Variants in L2HGDH observed in about 807,000 individuals in gnomAD.
L2HGDH encodes the protein L-2-hydroxyglutarate dehydrogenase.
Under a neutral mutation model 51.5 loss-of-function variants are expected in L2HGDH, and 34 were observed. The ratio of observed to expected loss-of-function variants is 0.66; its 90% CI spans 0.50 to 0.88. L2HGDH has a LOEUF of 0.88. Ranked by LOEUF, L2HGDH falls within the 40% of genes least tolerant of loss-of-function variation. The pLI, the probability that L2HGDH is intolerant of heterozygous loss-of-function variation, is 0.00. For synonymous variants in L2HGDH, 198 were observed against 197.9 expected (o/e 1.00, Z -0.01); for missense variants, 558 against 571.9 (o/e 0.98, Z 0.25).
intron 9 of L2HGDH, among the ~76,000 whole-genome samples, chr14:50,258,418 T>G (rs924517434): frequency 3.3e-5 from 5 of 152,094 alleles, no homozygotes; most frequent in African/African-American, 9.7e-5. Context: ...AGACAAGGTC[T>G]CACTATATTG....
Position 50,246,884 on chromosome 14 carries a change from G to T in L2HGDH, c.*174C>A. The T allele has an allele frequency of 2.5e-6, 3 of 1,195,388 alleles. No individual in the cohort carries two copies. Among genetic ancestry groups the T allele is most frequent in the South Asian group, 3.4e-5 (2 of 59,612 alleles). The allele number at this position is 1,195,388 out of a possible 1,614,324, so 74.0% of individuals were successfully genotyped here. A position where few individuals can be genotyped will look rare whatever the true frequency, so the allele number is the denominator to read the frequency against. On this transcript the variant is annotated 3_prime_UTR_variant, in exon 10 of 10. Transcript: ENST00000267436. ...ATTACAGGCATGCGCCACCATGCCT[G>T]GCTAATTTTTGTAGAAAATTATTAT...
intron 1 of L2HGDH, among the ~76,000 whole-genome samples, chr14:50,307,270 A>G (rs2030787527): frequency 6.6e-6 from 1 of 152,180 alleles, no homozygotes; most frequent in Non-Finnish European, 1.5e-5. Context: ...CAAACATAAA[A>G]CTATCATACT....
chr14:50,275,102 G>T (rs968922013), intron 6 of L2HGDH, among the ~76,000 whole-genome samples: 3 of 152,144 alleles, frequency 2.0e-5, no homozygotes, highest in Non-Finnish European at 4.4e-5. Flanking sequence ...CTTGAAATTT[G>T]CTAAGATAAC....
At position 50,278,256 on chromosome 14, in the gene L2HGDH, T is replaced by C. The variant is rs138363546; in HGVS notation, c.738+264A>G. ...TAGTGGAGATCAGTAGATAGAGTGATAAAATATTAGTTTTGCCTTAAAATT... is the reference window on the plus strand; with the variant it reads ...TAGTGGAGATCAGTAGATAGAGTGACAAAATATTAGTTTTGCCTTAAAATT... On this transcript the variant is annotated intron_variant, in intron 6 of 9. Transcript: ENST00000267436. 2.6e-3 allele frequency among the ~76,000 whole-genome samples: 396 copies of C among 152,352 alleles called. 5 individuals carry two copies. Among genetic ancestry groups the C allele is most frequent in the African/African-American group, 8.1e-3 (338 of 41,594 alleles).
chr14:50,243,468 C>G lies in L2HGDH; in HGVS notation c.*3590G>C, dbSNP rs1234340949. The G allele has an allele frequency of 1.2e-6, 1 of 801,728 alleles. No individual in the cohort carries two copies. The highest frequency in any genetic ancestry group is 1.5e-6 in the Non-Finnish European group (1 of 663,124). 49.7% of individuals were successfully genotyped at this position (801,728 alleles called of 1,614,324 possible). On this transcript the variant is annotated 3_prime_UTR_variant, in exon 10 of 10. Coordinates refer to ENST00000267436, the MANE Select transcript of L2HGDH (RefSeq NM_024884.3). ...TTTATGGAACTAAAAAATATGTTCT[C>G]TACAACACCAAGGCTCATTAAAATA...
At chr14:50,255,549 A>AG (rs1555327485) in intron 9 of L2HGDH, among the ~76,000 whole-genome samples, 29 of 151,024 alleles carry the variant, frequency 1.9e-4, no homozygotes, top group East Asian at 9.7e-4. Flanking sequence ...AAAAAAAAAA[A>AG]AAAAGAAAAG....
chr14:50,311,189 G>T, intron 1 of L2HGDH: 1 of 362,096 alleles, frequency 2.8e-6, no homozygotes, highest in South Asian at 2.1e-5. Flanking sequence ...CGATCCGCCC[G>T]CCTCGGCCTC....
At chr14:50,268,916 T>C (rs909662396) in intron 7 of L2HGDH, among the ~76,000 whole-genome samples, 1 of 152,182 alleles carries the variant, frequency 6.6e-6, no homozygotes, top group African/African-American at 2.4e-5. Flanking sequence ...TCCTTCTTGA[T>C]AGCACTTCCC....
Position 50,243,669 on chromosome 14 carries a change from A to T in L2HGDH, c.*3389T>A, listed in dbSNP as rs999661692. The stretch of plus-strand genomic sequence containing the variant: ...TTTTATTTTTCAGGGTATTTTATAT[A>T]TATATATATATATATATTGTTTATT... On this transcript the variant is annotated 3_prime_UTR_variant, in exon 10 of 10. Coordinates refer to ENST00000267436, the MANE Select transcript of L2HGDH (RefSeq NM_024884.3). The T allele has an allele frequency of 4.9e-5, 4 of 82,342 alleles. No individual in the cohort carries two copies. The highest frequency in any genetic ancestry group is 2.3e-4 in the African/African-American group (3 of 12,840). The allele number at this position is 82,342 out of a possible 1,614,324, so 5.1% of individuals were successfully genotyped here.
rs1887850366 is a variant in L2HGDH at position 50,242,638 on chromosome 14, T to C, written c.*4420A>G. On this transcript the variant is annotated 3_prime_UTR_variant, in exon 10 of 10. Transcript: ENST00000267436. Reference sequence around the variant, plus strand: ...AAGCTATTTAATGAGTACAAACTATTTGAAAACATCTCGAGGCAGCTTTTG... The same window carrying C: ...AAGCTATTTAATGAGTACAAACTATCTGAAAACATCTCGAGGCAGCTTTTG... 4.1e-6 allele frequency: 4 copies of C among 985,404 alleles called. No individual in the cohort carries two copies. The highest frequency in any genetic ancestry group is 3.6e-6 in the Non-Finnish European group (3 of 829,908). The allele number at this position is 985,404 out of a possible 1,614,324, so 61.0% of individuals were successfully genotyped here. A position where few individuals can be genotyped will look rare whatever the true frequency, so the allele number is the denominator to read the frequency against.
rs780995124 is a variant in L2HGDH at position 50,265,501 on chromosome 14, G to GA, written c.1065-13dup. 24 of 1,605,910 alleles carry GA rather than the reference G, an allele frequency of 1.5e-5. No individual in the cohort carries two copies. The highest frequency in any genetic ancestry group is 6.7e-5 in the Admixed American group (4 of 59,394). ...GTTTAATCAAGCCACTGAAAACAGA[G>GA]AAAAAAAATCTTTATGAGAGAAAGG... On this transcript the variant is annotated splice_polypyrimidine_tract_variant and intron_variant, in intron 8 of 9. Transcript: ENST00000267436.
chr14:50,293,079 C>T (rs2029868668), intron 4 of L2HGDH: 1 of 602,852 alleles, frequency 1.7e-6, no homozygotes, highest in South Asian at 2.0e-5. Flanking sequence ...CGTCACTGCA[C>T]TCTAGCCTGG....
chr14:50,249,365 A>G (rs1168093933), intron 9 of L2HGDH, among the ~76,000 whole-genome samples: 1 of 152,136 alleles, frequency 6.6e-6, no homozygotes, highest in Non-Finnish European at 1.5e-5. Context: ...TCCATCCCCC[A>G]AACAAAGGCA....
chr14:50,297,112 T>G (rs1360792403), intron 3 of L2HGDH, among the ~76,000 whole-genome samples: 2 of 152,152 alleles, frequency 1.3e-5, no homozygotes, highest in African/African-American at 4.8e-5. Context: ...AGAAAGGAAC[T>G]TCCTTAATCT....
At chr14:50,255,227 A>C (rs1236412358) in intron 9 of L2HGDH, among the ~76,000 whole-genome samples, 1 of 151,942 alleles carries the variant, frequency 6.6e-6, no homozygotes, top group African/African-American at 2.4e-5. Flanking sequence ...CTTCAAACTG[A>C]AATAAGTATT....
intron 6 of L2HGDH, among the ~76,000 whole-genome samples, chr14:50,272,458 A>T (rs911384324): frequency 2.0e-5 from 3 of 152,232 alleles, no homozygotes; most frequent in Non-Finnish European, 4.4e-5. Flanking sequence ...GGTCTACAGC[A>T]GATAGTCATG....
At chr14:50,277,884 T>A (rs529168600) in intron 6 of L2HGDH, among the ~76,000 whole-genome samples, 2 of 152,116 alleles carry the variant, frequency 1.3e-5, no homozygotes, top group Non-Finnish European at 2.9e-5. Flanking sequence ...CCTAGTCCAA[T>A]GAGGTGACAG....
intron 6 of L2HGDH, among the ~76,000 whole-genome samples, chr14:50,276,219 A>G (rs1213974857): frequency 6.6e-6 from 1 of 152,234 alleles, no homozygotes; most frequent in Admixed American, 6.5e-5. Flanking sequence ...GACTTCAGGA[A>G]TGAAAGTTTG....
intron 5 of L2HGDH, 109 bp downstream of exon 5, chr14:50,283,761 TG>T (rs1358333135): frequency 1.0e-4 from 91 of 870,036 alleles, no homozygotes; most frequent in Non-Finnish European, 7.2e-5. Flanking sequence ...TATTTTTTAT[TG>T]TTTTTTTTCC....
Sources: allele counts gnomAD v4.1 joint callset (sites outside exome capture counted in the v4.1 genomes callset), GRCh38; gene constraint gnomAD v4.1.1; transcripts MANE v1.5; gene names NCBI Gene and HGNC (gene_info 2026-07-23, HGNC 2026-07-21).